The following KCNIP1 variants were observed in gnomAD, a reference collection of about 807,000 sequenced individuals.
KCNIP1 encodes potassium voltage-gated channel interacting protein 1.
Under a neutral mutation model 33.0 loss-of-function variants are expected in KCNIP1, and 18 were observed. That is an observed-to-expected ratio of 0.55 (90% confidence interval 0.38 to 0.81). KCNIP1 has a LOEUF of 0.81. Ranked by LOEUF, KCNIP1 falls within the 30% of genes least tolerant of loss-of-function variation. The pLI, the probability that KCNIP1 is intolerant of heterozygous loss-of-function variation, is 0.00. For synonymous variants in KCNIP1, 93 were observed against 98.3 expected, an observed-to-expected ratio of 0.95 and a Z score of 0.32; for missense variants, 238 against 271.6, an observed-to-expected ratio of 0.88 and a Z score of 0.87.
chr5:170,375,943 A>G (rs193002438), intron 1 of KCNIP1: 39 of 152,334 alleles, frequency 2.6e-4, no homozygotes, highest in African/African-American at 9.4e-4. Flanking sequence ...ATTTGAACCC[A>G]AACAGTGCAC....
intron 1 of KCNIP1, among the ~76,000 whole-genome samples, chr5:170,394,410 C>T (rs1276538800): frequency 4.6e-5 from 7 of 152,306 alleles, no homozygotes; most frequent in African/African-American, 1.7e-4. Context: ...ACTGCCGCAT[C>T]TCTAGCGCCA....
At chr5:170,394,198 G>A (rs1049907759) in intron 1 of KCNIP1, among the ~76,000 whole-genome samples, 6 of 151,960 alleles carry the variant, frequency 3.9e-5, no homozygotes, top group Admixed American at 2.0e-4. Flanking sequence ...GCCTTCCCTC[G>A]CCCCCAGCCC....
At chr5:170,521,513 G>A (rs777863337) in intron 1 of KCNIP1, among the ~76,000 whole-genome samples, 3 of 152,166 alleles carry the variant, frequency 2.0e-5, no homozygotes, top group South Asian at 4.1e-4. Context: ...AGAAATCATT[G>A]AACTTTCAGA....
chr5:170,494,176 T>C (rs1039935689), intron 1 of KCNIP1, among the ~76,000 whole-genome samples: 1 of 152,216 alleles, frequency 6.6e-6, no homozygotes, highest in African/African-American at 2.4e-5. Flanking sequence ...CCCTGCTCAA[T>C]GCTCATCTGC....
chr5:170,711,812 G>A (rs329475), intron 1 of KCNIP1, among the ~76,000 whole-genome samples: 107,928 of 152,126 alleles, frequency 0.71, 39,786 homozygotes, highest in East Asian at 0.95. Context: ...AGTGTCTCAC[G>A]TGGAATACAG....
chr5:170,561,135 C>T (rs2113454615), intron 1 of KCNIP1: 1 of 456,042 alleles, frequency 2.2e-6, no homozygotes, highest in Non-Finnish European at 4.4e-6. Context: ...GATAAAGGAG[C>T]TGGAGATGTG....
intron 1 of KCNIP1, among the ~76,000 whole-genome samples, chr5:170,530,027 C>A (rs1207337833): frequency 6.6e-6 from 1 of 152,196 alleles, no homozygotes; most frequent in African/African-American, 2.4e-5. Flanking sequence ...CTGAGCAAGA[C>A]CCTTTTCTAC....
At chr5:170,675,951 G>A (rs1189220031) in intron 1 of KCNIP1, among the ~76,000 whole-genome samples, 2 of 129,384 alleles carry the variant, frequency 1.5e-5, no homozygotes, top group Admixed American at 1.7e-4. Flanking sequence ...TAGACCTTAT[G>A]AACTTCCTAA....
At chr5:170,650,142 T>C (rs183059583) in intron 1 of KCNIP1, among the ~76,000 whole-genome samples, 1 of 152,240 alleles carries the variant, frequency 6.6e-6, no homozygotes, top group East Asian at 1.9e-4. Context: ...ATATTCAAAT[T>C]CCTTTTTATA....
At chr5:170,390,511 AAAACAAATAT>A (rs200981911) in intron 1 of KCNIP1, among the ~76,000 whole-genome samples, 13,952 of 62,290 alleles carry the variant, frequency 0.22, 1,345 homozygotes, top group South Asian at 0.31. Context: ...TCAAAAAAAA[AAAACAAATAT>A]ATATATATAT....
At chr5:170,356,055 T>C (rs1456534542) in intron 1 of KCNIP1, among the ~76,000 whole-genome samples, 4 of 152,156 alleles carry the variant, frequency 2.6e-5, no homozygotes, top group Non-Finnish European at 4.4e-5. Context: ...GTGAGGAACA[T>C]GGGAGCAGGG....
intron 1 of KCNIP1, among the ~76,000 whole-genome samples, chr5:170,608,071 A>G (rs896183131): frequency 3.9e-5 from 6 of 152,198 alleles, no homozygotes; most frequent in Admixed American, 2.0e-4. Flanking sequence ...GGACAGAAGA[A>G]GGTAGGCACT....
intron 1 of KCNIP1, among the ~76,000 whole-genome samples, chr5:170,427,652 G>C (rs1755644146): frequency 6.6e-6 from 1 of 152,190 alleles, no homozygotes; most frequent in South Asian, 2.1e-4. Flanking sequence ...CCTGTACCAG[G>C]TCTCCACCTT....
intron 1 of KCNIP1, among the ~76,000 whole-genome samples, chr5:170,393,525 A>C (rs1455803685): frequency 1.3e-5 from 2 of 152,254 alleles, no homozygotes; most frequent in African/African-American, 2.4e-5. Context: ...CCTTCACTGC[A>C]GAAAAGCGAT....
chr5:170,367,372 A>G (rs1022676253), intron 1 of KCNIP1, among the ~76,000 whole-genome samples: 2,948 of 114,464 alleles, frequency 0.026, 120 homozygotes, highest in Admixed American at 0.061. Context: ...AAAGAAAGAA[A>G]GAAAGAAAGA....
intron 1 of KCNIP1, among the ~76,000 whole-genome samples, chr5:170,398,782 T>C (rs1012929049): frequency 1.3e-5 from 2 of 152,146 alleles, no homozygotes; most frequent in Non-Finnish European, 2.9e-5. Context: ...CCTCTCAGCA[T>C]GGGCAGGGGG....
chr5:170,353,803 A>G, exon 1 of KCNIP1: 3 of 1,410,816 alleles, frequency 2.1e-6, no homozygotes, highest in Non-Finnish European at 3.0e-6. Context: ...GCAGGCTCCA[A>G]GTTCCTGGGG....
Position 170,489,234 on chromosome 5 carries a change from C to G in KCNIP1, c.88+135270C>G, listed in dbSNP as rs1037908772. On this transcript the variant is annotated intron_variant, in intron 1 of 7. Transcript: ENST00000377360. The surrounding 1 kb of genome is among the most constrained non-coding windows in gnomAD (Gnocchi z 4.3). ...CCATCTGTCACCTCGGCACTTACCC[C>G]AAAAGATGGAGGACTGCTGGCAGAA... Among the ~76,000 whole-genome samples the G allele has an allele frequency of 6.6e-6, 1 of 152,186 alleles. No homozygotes were observed. The highest frequency in any genetic ancestry group is 2.4e-5 in the African/African-American group (1 of 41,452).
intron 1 of KCNIP1, among the ~76,000 whole-genome samples, chr5:170,613,938 T>C (rs1354597144): frequency 2.0e-5 from 3 of 152,164 alleles, no homozygotes; most frequent in Non-Finnish European, 4.4e-5. Flanking sequence ...ATCAGTGGCT[T>C]CCAGCCTGAA....
Sources: allele counts gnomAD v4.1 joint callset (sites outside exome capture counted in the v4.1 genomes callset), GRCh38; gene constraint gnomAD v4.1.1; non-coding constraint Gnocchi (gnomAD v3.1); transcripts MANE v1.5; gene names NCBI Gene and HGNC (gene_info 2026-07-23, HGNC 2026-07-21).